PTPRT: variants seen among roughly 807,000 people sequenced by gnomAD.
PTPRT encodes the protein receptor-type tyrosine-protein phosphatase T.
Under a neutral mutation model 176.8 loss-of-function variants are expected in PTPRT, and 56 were observed. That is an observed-to-expected ratio of 0.32 (90% CI 0.26 to 0.40). The LOEUF is 0.40. Among genes scored for constraint, PTPRT ranks in the 10% least tolerant of loss-of-function variants. PTPRT has a pLI of 1.00. For missense variants in PTPRT, 1,540 were observed against 1,908.2 expected, an observed-to-expected ratio of 0.81 and a Z score of 3.60; for synonymous variants, 783 against 739.0, an observed-to-expected ratio of 1.06 and a Z score of -0.96.
intron 9 of PTPRT, among the ~76,000 whole-genome samples, chr20:42,356,256 A>C (rs558157504): frequency 6.6e-6 from 1 of 152,272 alleles, no homozygotes; most frequent in East Asian, 1.9e-4. Context: ...ATAAAGGGTT[A>C]GTAGGGGGAA....
At chr20:42,654,687 A>C (rs2075092571) in intron 7 of PTPRT, among the ~76,000 whole-genome samples, 1 of 152,192 alleles carries the variant, frequency 6.6e-6, no homozygotes, top group Non-Finnish European at 1.5e-5. Context: ...CTGTTCATTA[A>C]AGCCTCACAG....
At position 42,076,780 on chromosome 20, in the gene PTPRT, TAAATC is replaced by T. The variant is rs899903262; in HGVS notation, c.*4094_*4098del. On this transcript the variant is annotated 3_prime_UTR_variant, in exon 31 of 31. Transcript: ENST00000373187. ...AGAGTCATATTAAAACCAACAAGGC[TAAATC>T]AGAAAGTGGAATGCAAATTTTGCAT... 16 of 201,628 alleles carry T rather than the reference TAAATC, an allele frequency of 7.9e-5. No homozygotes were observed. The highest frequency in any genetic ancestry group is 1.8e-4 in the Admixed American group (3 of 16,652). The allele number at this position is 201,628 out of a possible 1,614,324, so 12.5% of individuals were successfully genotyped here.
chr20:43,178,574 G>T (rs1320993393), intron 1 of PTPRT, among the ~76,000 whole-genome samples: 1 of 152,174 alleles, frequency 6.6e-6, no homozygotes, highest in Non-Finnish European at 1.5e-5. Flanking sequence ...CAAAGCTCTG[G>T]ATCTGAAAAG....
chr20:42,817,133 C>G (rs908403890), intron 2 of PTPRT, among the ~76,000 whole-genome samples: 1 of 152,132 alleles, frequency 6.6e-6, no homozygotes. Context: ...TTTAAAAGGG[C>G]AATTCCTCAT....
intron 6 of PTPRT, among the ~76,000 whole-genome samples, chr20:42,711,322 G>C (rs79255389): frequency 0.013 from 2,037 of 151,940 alleles, 46 homozygotes; most frequent in African/African-American, 0.045. Flanking sequence ...TTGTTGAAAA[G>C]TAATCCCCAG....
At chr20:42,470,013 C>T (rs2071166067) in intron 8 of PTPRT, among the ~76,000 whole-genome samples, 1 of 151,784 alleles carries the variant, frequency 6.6e-6, no homozygotes, top group East Asian at 1.9e-4. Context: ...CAGGAACACA[C>T]AAAGAAAGAA....
At chr20:42,597,480 T>C (rs2073692014) in intron 7 of PTPRT, among the ~76,000 whole-genome samples, 1 of 152,200 alleles carries the variant, frequency 6.6e-6, no homozygotes, top group South Asian at 2.1e-4. Context: ...GACTGGATCA[T>C]GGAGGCAGAG....
intron 2 of PTPRT, among the ~76,000 whole-genome samples, chr20:42,815,166 A>ACTTTACTAAG (rs1197377971): frequency 6.6e-6 from 1 of 152,184 alleles, no homozygotes; most frequent in East Asian, 1.9e-4. Flanking sequence ...TTAGTCCTGA[A>ACTTTACTAAG]TTCATTTAGA....
At chr20:42,081,788 G>T in intron 30 of PTPRT, 94 bp downstream of exon 30, 1 of 1,463,972 alleles carries the variant, frequency 6.8e-7, no homozygotes, top group Non-Finnish European at 9.5e-7. Flanking sequence ...TTAGCAGCCA[G>T]GTGTTGAGTG....
intron 7 of PTPRT, among the ~76,000 whole-genome samples, chr20:42,618,842 G>A (rs1357211340): frequency 7.0e-5 from 10 of 142,182 alleles, no homozygotes; most frequent in South Asian, 2.3e-4. Context: ...GTCTCTGCAC[G>A]TGAGATGGGT....
chr20:42,187,474 C>T (rs531364890), intron 16 of PTPRT, among the ~76,000 whole-genome samples: 1 of 152,288 alleles, frequency 6.6e-6, no homozygotes, highest in South Asian at 2.1e-4. Flanking sequence ...AATGGTGATG[C>T]ACTGAGCATA....
At chr20:43,006,365 G>A (rs770875172) in intron 1 of PTPRT, among the ~76,000 whole-genome samples, 4 of 152,176 alleles carry the variant, frequency 2.6e-5, no homozygotes, top group Non-Finnish European at 5.9e-5. Context: ...TGAAGCATAT[G>A]TTAATTCATT....
At chr20:42,727,004 A>C (rs1198724626) in intron 6 of PTPRT, among the ~76,000 whole-genome samples, 1 of 152,128 alleles carries the variant, frequency 6.6e-6, no homozygotes, top group Admixed American at 6.5e-5. Context: ...CCCCTCACAA[A>C]AGGTTACCTC....
intron 7 of PTPRT, among the ~76,000 whole-genome samples, chr20:42,619,367 C>T (rs2074144474): frequency 7.8e-6 from 1 of 128,800 alleles, no homozygotes; most frequent in Non-Finnish European, 1.6e-5. Context: ...TCTGGCTGCC[C>T]TTAACATTTT....
chr20:42,670,509 G>T (rs2075394343), intron 7 of PTPRT, among the ~76,000 whole-genome samples: 1 of 151,966 alleles, frequency 6.6e-6, no homozygotes, highest in Non-Finnish European at 1.5e-5. Context: ...TTATCCCCCT[G>T]GAGAAAAGAG....
chr20:43,159,610 A>C (rs1403752084), intron 1 of PTPRT, among the ~76,000 whole-genome samples: 1 of 152,136 alleles, frequency 6.6e-6, no homozygotes, highest in Non-Finnish European at 1.5e-5. Context: ...GGGAAAACTT[A>C]CTTGCTCACA....
intron 6 of PTPRT, among the ~76,000 whole-genome samples, chr20:42,746,859 A>C (rs954350174): frequency 6.6e-6 from 1 of 152,110 alleles, no homozygotes; most frequent in Non-Finnish European, 1.5e-5. Flanking sequence ...CCTAAGTTGG[A>C]GCATATATGA....
In PTPRT at chr20:42,669,132, T is replaced by G. The variant is rs182039300; in HGVS notation, c.1153+8734A>C. Among the ~76,000 whole-genome samples the G allele has an allele frequency of 1.4e-3, 207 of 152,068 alleles. 2 individuals are homozygous for G. The highest frequency in any genetic ancestry group is 4.5e-3 in the African/African-American group (187 of 41,484). ...CCTACAACCCAGAGGAAGCAGAGAG[T>G]GCAGCAGCAGCAAAACAAGTTCGGT... On this transcript the variant is annotated intron_variant, in intron 7 of 30. Transcript: ENST00000373187.
chr20:42,629,570 G>C (rs6102960), intron 7 of PTPRT, among the ~76,000 whole-genome samples: 1 of 152,194 alleles, frequency 6.6e-6, no homozygotes, highest in East Asian at 1.9e-4. Context: ...TGCCTGGTTG[G>C]GGGAAGATAT....
Sources: gnomAD v4.1 joint callset for allele counts (sites outside exome capture counted in the v4.1 genomes callset) on GRCh38, gnomAD v4.1.1 for gene constraint, MANE v1.5 for transcripts, NCBI Gene and HGNC (gene_info 2026-07-23, HGNC 2026-07-21) for gene names.